Variants in ABLIM1 observed in about 807,000 individuals in gnomAD.
The protein encoded by ABLIM1 is actin-binding LIM protein 1.
Under a neutral mutation model 107.0 loss-of-function variants are expected in ABLIM1, and 40 were observed. The observed-to-expected ratio is 0.37, with a 90% CI of 0.29 to 0.49. The LOEUF is 0.49. ABLIM1 is among the 20% of genes least tolerant of loss of function. ABLIM1 has a pLI of 0.97. For synonymous variants in ABLIM1, 357 were observed against 357.3 expected (o/e 1.00, Z 0.01); for missense variants, 857 against 1,008.5 (o/e 0.85, Z 2.04).
intron 11 of ABLIM1, among the ~76,000 whole-genome samples, chr10:114,466,893 T>C (rs1262388365): frequency 6.6e-6 from 1 of 152,226 alleles, no homozygotes; most frequent in African/African-American, 2.4e-5. Flanking sequence ...GCACAGTGGC[T>C]CATGCCTGTA....
intron 8 of ABLIM1, among the ~76,000 whole-genome samples, chr10:114,479,578 A>G (rs17779280): frequency 0.03 from 4,581 of 152,236 alleles, 90 homozygotes; most frequent in Middle Eastern, 0.058. Flanking sequence ...GACCTTGCAC[A>G]GTCTGTCTTA....
chr10:114,443,952 G>T, intron 17 of ABLIM1, 77 bp downstream of exon 17: 1 of 1,190,982 alleles, frequency 8.4e-7, no homozygotes, highest in Non-Finnish European at 1.2e-6. Flanking sequence ...TCCACCACAA[G>T]TGAACAGTCA....
At chr10:114,512,250 G>A (rs1318817535) in intron 6 of ABLIM1, among the ~76,000 whole-genome samples, 1 of 152,214 alleles carries the variant, frequency 6.6e-6, no homozygotes, top group Non-Finnish European at 1.5e-5. Context: ...AAGAAAATGT[G>A]TTACAATCCA....
intron 6 of ABLIM1, among the ~76,000 whole-genome samples, chr10:114,513,949 C>T (rs1236640430): frequency 1.3e-5 from 2 of 152,180 alleles, no homozygotes; most frequent in Admixed American, 6.5e-5. Context: ...AAAGTTTTCA[C>T]ATGACACCAT....
rs1565861320 is a variant in ABLIM1 at position 114,535,637 on chromosome 10, A to G, written c.894+9368T>C. Among the ~76,000 whole-genome samples the G allele has an allele frequency of 2.0e-5, 3 of 152,254 alleles. No individual in the cohort carries two copies. The East Asian group carries it at 5.8e-4, about 29-fold the overall frequency. ...GCCTAGCATAGAATCTTGCATTAAG[A>G]TGTTTATTGACTTGAATGGCCATTC... On this transcript the variant is annotated intron_variant, in intron 6 of 22. Transcript: ENST00000533213.
chr10:114,519,303 A>C (rs889473174), intron 6 of ABLIM1, among the ~76,000 whole-genome samples: 3 of 152,198 alleles, frequency 2.0e-5, no homozygotes, highest in Admixed American at 6.5e-5. Context: ...CCTGCTAATG[A>C]TATTTCTGGG....
the ABLIM1 span, among the ~76,000 whole-genome samples, chr10:114,788,326 TAAAAAAATAAA>T: frequency 7.9e-4 from 104 of 131,408 alleles, no homozygotes; most frequent in African/African-American, 2.1e-3. Context: ...GAATGATCAA[TAAAAAAATAAA>T]AAAAAAAAAA....
chr10:114,782,298 A>G, the ABLIM1 span, among the ~76,000 whole-genome samples: 3 of 152,142 alleles, frequency 2.0e-5, no homozygotes, highest in Non-Finnish European at 4.4e-5. Context: ...TTATAGATTC[A>G]TTTATTCATT....
chr10:114,652,187 G>C (rs1386366734), intron 1 of ABLIM1, among the ~76,000 whole-genome samples: 1 of 152,152 alleles, frequency 6.6e-6, no homozygotes, highest in Non-Finnish European at 1.5e-5. Context: ...AGATGCTATA[G>C]AAAAGCTCCA....
At chr10:114,666,106 A>C (rs1281857057) in intron 1 of ABLIM1, among the ~76,000 whole-genome samples, 1 of 152,250 alleles carries the variant, frequency 6.6e-6, no homozygotes, top group African/African-American at 2.4e-5. Context: ...TGTATTGGAC[A>C]CAAAATTGGC....
chr10:114,459,657 A>C (rs1315940626), intron 12 of ABLIM1, among the ~76,000 whole-genome samples: 1 of 152,226 alleles, frequency 6.6e-6, no homozygotes, highest in Non-Finnish European at 1.5e-5. Context: ...CAAAAAGCTC[A>C]TATGATTGAA....
chr10:114,459,255 C>CA (rs1016341580), intron 12 of ABLIM1, among the ~76,000 whole-genome samples: 6 of 146,394 alleles, frequency 4.1e-5, no homozygotes, highest in African/African-American at 1.4e-4. Flanking sequence ...CAAAACAAAA[C>CA]AAACAAACAA....
At chr10:114,583,432 C>T (rs1157372634) in intron 2 of ABLIM1, among the ~76,000 whole-genome samples, 1 of 29,330 alleles carries the variant, frequency 3.4e-5, no homozygotes, top group Admixed American at 5.2e-4. Context: ...CACACACACA[C>T]ACACACACAC....
intron 1 of ABLIM1, among the ~76,000 whole-genome samples, chr10:114,654,716 G>C (rs1048832638): frequency 3.9e-5 from 6 of 152,154 alleles, no homozygotes; most frequent in African/African-American, 1.2e-4. Context: ...GTGCGCTCTG[G>C]TACCTGGGAT....
chr10:114,468,647 C>G (rs1224231495), intron 10 of ABLIM1, among the ~76,000 whole-genome samples: 5 of 152,142 alleles, frequency 3.3e-5, no homozygotes, highest in Non-Finnish European at 5.9e-5. Context: ...CTGCCAGCAT[C>G]CCTCCACATC....
chr10:114,632,018 A>T, intron 1 of ABLIM1: 2 of 1,283,996 alleles, frequency 1.6e-6, no homozygotes, highest in East Asian at 1.2e-4. Flanking sequence ...GCGCTGGGGC[A>T]GCCAGGAGAA....
chr10:114,663,035 G>T (rs1222914180), upstream of ABLIM1, among the ~76,000 whole-genome samples: 1 of 152,166 alleles, frequency 6.6e-6, no homozygotes, highest in Non-Finnish European at 1.5e-5. Flanking sequence ...CTAAGTTGCT[G>T]CCCACACATC....
chr10:114,751,003 T>C (rs1447356537), intron 1 of ABLIM1, among the ~76,000 whole-genome samples: 1 of 152,186 alleles, frequency 6.6e-6, no homozygotes, highest in Non-Finnish European at 1.5e-5. Flanking sequence ...AACAAATTTA[T>C]CAAAAGGAAG....
intron 1 of ABLIM1, among the ~76,000 whole-genome samples, chr10:114,656,760 C>G (rs1017985129): frequency 1.3e-5 from 2 of 152,148 alleles, no homozygotes; most frequent in South Asian, 4.1e-4. Flanking sequence ...GAATAAAGTA[C>G]TGACACGTGC....
Sources: allele counts gnomAD v4.1 joint callset (sites outside exome capture counted in the v4.1 genomes callset), GRCh38; gene constraint gnomAD v4.1.1; transcripts MANE v1.5; gene names NCBI Gene and HGNC (gene_info 2026-07-23, HGNC 2026-07-21).